The following FAM178B variants were observed in gnomAD, a reference collection of about 807,000 sequenced individuals.
The protein encoded by FAM178B is family with sequence similarity 178 member B.
A neutral mutation model predicts 91.7 loss-of-function variants in FAM178B; 82 were observed. The observed-to-expected ratio is 0.89, with a 90% CI of 0.75 to 1.07. The LOEUF is 1.07. Ranked by LOEUF, FAM178B falls within the 50% of genes least tolerant of loss-of-function variation. The pLI is 0.00. For missense variants in FAM178B, 769 were observed against 846.7 expected (o/e 0.91, Z 1.14); for synonymous variants, 368 against 359.4 (o/e 1.02, Z -0.27).
chr2:96,893,622 C>T (rs537326582), intron 14 of FAM178B, among the ~76,000 whole-genome samples: 62 of 152,074 alleles, frequency 4.1e-4, no homozygotes, highest in Non-Finnish European at 5.6e-4. Flanking sequence ...CTAAACCATG[C>T]TGTAAGGCTG....
intron 7 of FAM178B, among the ~76,000 whole-genome samples, chr2:96,950,866 C>T (rs771152714): frequency 9.9e-5 from 15 of 152,210 alleles, no homozygotes; most frequent in Non-Finnish European, 1.5e-4. Flanking sequence ...CGCCCAAGCA[C>T]CCTCGGCTCC....
At chr2:96,924,757 A>C (rs553399732) in intron 9 of FAM178B, among the ~76,000 whole-genome samples, 1 of 152,298 alleles carries the variant, frequency 6.6e-6, no homozygotes, top group Admixed American at 6.5e-5. Flanking sequence ...GAAACGGCTT[A>C]AGGTTCCTGC....
At chr2:96,932,624 C>T (rs1199704896) in intron 8 of FAM178B, among the ~76,000 whole-genome samples, 1 of 152,146 alleles carries the variant, frequency 6.6e-6, no homozygotes, top group Non-Finnish European at 1.5e-5. Context: ...AGGGGAGCAC[C>T]GGAACACTGT....
At chr2:96,923,769 C>G (rs1559075706) in intron 9 of FAM178B, among the ~76,000 whole-genome samples, 186 bp from the exon 10 acceptor site, 2 of 152,214 alleles carry the variant, frequency 1.3e-5, no homozygotes, top group African/African-American at 4.8e-5. Context: ...TTGGGTGGTC[C>G]TGGCTCGGGG....
chr2:96,876,085 C>G lies in FAM178B; in HGVS notation c.*191G>C. 1.8e-6 allele frequency: 1 copy of G among 569,536 alleles called. No homozygotes were observed. 35.3% of individuals were successfully genotyped at this position (569,536 alleles called of 1,614,324 possible). ...ATCCCTTGCTGAGAGGAGAGGGGGTCGGGGCGGTGGCAGAGGCAGGCTCTT... is the reference window on the plus strand; with the variant it reads ...ATCCCTTGCTGAGAGGAGAGGGGGTGGGGGCGGTGGCAGAGGCAGGCTCTT... On this transcript the variant is annotated 3_prime_UTR_variant, in exon 17 of 17. Transcript: ENST00000490605.
intron 5 of FAM178B, among the ~76,000 whole-genome samples, chr2:96,962,434 A>G (rs1574308042): frequency 9.0e-5 from 1 of 11,110 alleles, no homozygotes; most frequent in Admixed American, 4.5e-4. Flanking sequence ...GTCTCAAGAA[A>G]AAAAAAAAAA....
At chr2:96,953,392 TGAG>T (rs2081956137) in intron 6 of FAM178B, among the ~76,000 whole-genome samples, 1 of 152,238 alleles carries the variant, frequency 6.6e-6, no homozygotes, top group Non-Finnish European at 1.5e-5. Context: ...TCAGGGACTC[TGAG>T]GAGACGCTGG....
At chr2:96,902,983 T>C (rs1574220501) in intron 12 of FAM178B, among the ~76,000 whole-genome samples, 1 of 152,242 alleles carries the variant, frequency 6.6e-6, no homozygotes, top group Non-Finnish European at 1.5e-5. Flanking sequence ...TTTTATCCCC[T>C]CTGCCGATAC....
At chr2:96,931,443 T>C (rs2081537112) in intron 8 of FAM178B, among the ~76,000 whole-genome samples, 1 of 151,950 alleles carries the variant, frequency 6.6e-6, no homozygotes, top group Non-Finnish European at 1.5e-5. Flanking sequence ...AGGTGTTACT[T>C]GGAGGTGGTG....
chr2:96,912,039 A>G (rs1458631053), intron 12 of FAM178B, among the ~76,000 whole-genome samples: 1 of 152,142 alleles, frequency 6.6e-6, no homozygotes, highest in East Asian at 1.9e-4. Context: ...TTCCCCAGAA[A>G]GTAGGCTCTG....
At chr2:96,906,608 C>T (rs1386146282) in intron 12 of FAM178B, among the ~76,000 whole-genome samples, 2 of 152,168 alleles carry the variant, frequency 1.3e-5, no homozygotes, top group Non-Finnish European at 2.9e-5. Flanking sequence ...AGCGCCCACC[C>T]GGACTGAACC....
At chr2:96,938,434 T>C (rs1041743354) in intron 8 of FAM178B, among the ~76,000 whole-genome samples, 2 of 152,152 alleles carry the variant, frequency 1.3e-5, no homozygotes, top group Non-Finnish European at 2.9e-5. Context: ...GGGTAAAGCA[T>C]GCATGCCTGC....
intron 5 of FAM178B, 131 bp from the exon 6 acceptor site, chr2:96,960,571 G>A: frequency 9.1e-7 from 1 of 1,092,950 alleles, no homozygotes; most frequent in Non-Finnish European, 1.3e-6. Flanking sequence ...GCAAACCAAG[G>A]GGACAGCGCC....
At chr2:96,894,564 C>G (rs2080768951) in intron 13 of FAM178B, among the ~76,000 whole-genome samples, 1 of 118,614 alleles carries the variant, frequency 8.4e-6, no homozygotes, top group South Asian at 3.1e-4. Context: ...CCCCACACAC[C>G]CCCACCCACA....
intron 12 of FAM178B, among the ~76,000 whole-genome samples, chr2:96,911,591 T>G (rs2081159634): frequency 6.6e-6 from 1 of 152,140 alleles, no homozygotes; most frequent in Non-Finnish European, 1.5e-5. Context: ...TGCGAACACA[T>G]GAGCATCTGA....
intron 8 of FAM178B, among the ~76,000 whole-genome samples, chr2:96,942,526 G>A (rs987286270): frequency 6.6e-6 from 1 of 152,138 alleles, no homozygotes; most frequent in Non-Finnish European, 1.5e-5. Flanking sequence ...CGGAGTAGCT[G>A]GGATTACAGG....
At chr2:96,887,098 C>G (rs1232716908) in intron 14 of FAM178B, among the ~76,000 whole-genome samples, 1 of 151,980 alleles carries the variant, frequency 6.6e-6, no homozygotes, top group South Asian at 2.1e-4. Flanking sequence ...GCCTGTAGTT[C>G]CAGCTACTCG....
At chr2:96,950,438 G>A (rs1043681094) in intron 7 of FAM178B, among the ~76,000 whole-genome samples, 10 of 152,200 alleles carry the variant, frequency 6.6e-5, no homozygotes, top group Admixed American at 2.0e-4. Context: ...CACGAAGGGA[G>A]AGCTGGAGGG....
intron 8 of FAM178B, among the ~76,000 whole-genome samples, chr2:96,940,491 A>G (rs1474146989): frequency 6.6e-6 from 1 of 152,220 alleles, no homozygotes; most frequent in Non-Finnish European, 1.5e-5. Context: ...CTGATAGACT[A>G]AAGACTGCTT....
Sources: gnomAD v4.1 joint callset for allele counts (sites outside exome capture counted in the v4.1 genomes callset) on GRCh38, gnomAD v4.1.1 for gene constraint, MANE v1.5 for transcripts, NCBI Gene and HGNC (gene_info 2026-07-23, HGNC 2026-07-21) for gene names.